The following PCDHAC1 variants were observed in gnomAD, a reference collection of about 807,000 sequenced individuals.
The protein encoded by PCDHAC1 is protocadherin alpha subfamily C, 1, also known as protocadherin alpha-C1.
In PCDHAC1, 42 loss-of-function variants were observed where a neutral mutation model predicts 60.0. The ratio of observed to expected loss-of-function variants is 0.70; its 90% CI spans 0.55 to 0.90. The LOEUF is 0.90. Among genes scored for constraint, PCDHAC1 ranks in the 40% least tolerant of loss-of-function variants. The pLI, the probability that PCDHAC1 is intolerant of heterozygous loss-of-function variation, is 0.00. For missense variants in PCDHAC1, 1,160 were observed against 1,222.3 expected, an observed-to-expected ratio of 0.95 and a Z score of 0.76; for synonymous variants, 468 against 499.3, an observed-to-expected ratio of 0.94 and a Z score of 0.84.
intron 3 of PCDHAC1, among the ~76,000 whole-genome samples, chr5:141,007,393 TAC>T (rs2098323171): frequency 8.5e-5 from 2 of 23,408 alleles, no homozygotes; most frequent in East Asian, 1.4e-3. Flanking sequence ...TCTACTAAAA[TAC>T]AAAAAAAAAA....
intron 1 of PCDHAC1, among the ~76,000 whole-genome samples, chr5:140,974,059 G>A (rs1233997260): frequency 6.6e-6 from 1 of 152,180 alleles, no homozygotes; most frequent in Non-Finnish European, 1.5e-5. Context: ...AATATTTGGA[G>A]CAGTATAATC....
At chr5:140,956,701 G>A (rs549659732) in intron 1 of PCDHAC1, among the ~76,000 whole-genome samples, 30 of 152,256 alleles carry the variant, frequency 2.0e-4, no homozygotes, top group Admixed American at 1.4e-3. Context: ...CCATTGTTTG[G>A]AATAGCTTCA....
At chr5:140,988,672 G>A (rs1269904309) in intron 3 of PCDHAC1, among the ~76,000 whole-genome samples, 1 of 152,180 alleles carries the variant, frequency 6.6e-6, no homozygotes, top group Non-Finnish European at 1.5e-5. Context: ...TAGACTCTAA[G>A]ATAATTCTTT....
chr5:140,950,100 A>G (rs964595718), intron 1 of PCDHAC1, among the ~76,000 whole-genome samples: 1 of 151,910 alleles, frequency 6.6e-6, no homozygotes, highest in Non-Finnish European at 1.5e-5. Flanking sequence ...CATTTGTATT[A>G]AATCTCATAC....
At chr5:140,968,845 G>A in intron 1 of PCDHAC1, 1 of 1,614,176 alleles carries the variant, frequency 6.2e-7, no homozygotes. Flanking sequence ...ACACTCAGAG[G>A]CATGTTAAGA....
intron 3 of PCDHAC1, among the ~76,000 whole-genome samples, chr5:141,004,888 G>C (rs555046086): frequency 2.0e-5 from 3 of 152,132 alleles, no homozygotes; most frequent in Admixed American, 6.5e-5. Flanking sequence ...GTGCTATTGT[G>C]TCAGCTCTGC....
intron 1 of PCDHAC1, among the ~76,000 whole-genome samples, chr5:140,975,395 C>T (rs2096665697): frequency 6.6e-6 from 1 of 152,246 alleles, no homozygotes; most frequent in Admixed American, 6.5e-5. Flanking sequence ...AGATCCATCA[C>T]AATCACAGTC....
In PCDHAC1 at chr5:141,010,147, C is replaced by T. The variant is rs895381983; in HGVS notation, c.*210C>T. ...AAGTCTGGTGTTAACTCTTTCTCTC[C>T]ACTCTGGCTTGTTTTCAGAACCTAA... On this transcript the variant is annotated 3_prime_UTR_variant, in exon 4 of 4. Coordinates refer to ENST00000253807, the MANE Select transcript of PCDHAC1 (RefSeq NM_018898.5). 3.2e-6 allele frequency: 5 copies of T among 1,583,190 alleles called. No homozygotes were observed. The highest frequency in any genetic ancestry group is 4.3e-6 in the Non-Finnish European group (5 of 1,163,606).
intron 3 of PCDHAC1, among the ~76,000 whole-genome samples, chr5:140,987,098 C>A (rs2153859479): frequency 6.6e-6 from 1 of 151,952 alleles, no homozygotes; most frequent in Admixed American, 6.6e-5. Flanking sequence ...CCTGTAATCC[C>A]AGCTACTCGG....
intron 1 of PCDHAC1, chr5:140,967,077 G>A (rs1483899506): frequency 1.9e-6 from 3 of 1,613,140 alleles, no homozygotes; most frequent in South Asian, 1.1e-5. Context: ...GTCAACGAGC[G>A]CATTGATCGG....
At position 140,928,265 on chromosome 5, in the gene PCDHAC1, A is replaced by G. The variant is rs1208273188; in HGVS notation, c.1373A>G (p.Asn458Ser). ...CAGGAACTTTTCGTTGCTGAAAACA[A>G]TGGCCCTGGGGCCTCTCTAGGCCGA... The part of the protein sequence containing the change: ...PQQELFVAEN[N>S]GPGASLGRVF... The change falls in exon 1 of 4, where the codon AAT (asparagine) becomes AGT (serine). Residue 458 changes from asparagine (N) to serine (S), a missense_variant. This residue lies in a region of PCDHAC1 where 1,113 missense variants were observed against 1,163.7 expected (regional missense o/e 0.96). Coordinates refer to ENST00000253807, the MANE Select transcript of PCDHAC1 (RefSeq NM_018898.5). The G allele has an allele frequency of 3.1e-6, 5 of 1,614,188 alleles. No individual in the cohort carries two copies. In the South Asian group the frequency reaches 3.3e-5, roughly 11 times the overall value.
At chr5:140,957,734 T>C (rs559180968) in intron 1 of PCDHAC1, among the ~76,000 whole-genome samples, 2 of 152,240 alleles carry the variant, frequency 1.3e-5, no homozygotes, top group Admixed American at 6.5e-5. Flanking sequence ...GAATTATATA[T>C]ACTGACATGA....
intron 1 of PCDHAC1, among the ~76,000 whole-genome samples, chr5:140,955,475 C>T (rs246017): frequency 0.56 from 85,566 of 151,816 alleles, 24,719 homozygotes; most frequent in African/African-American, 0.69. Context: ...TGCTTGGCAC[C>T]TCTCCTTCCT....
At chr5:140,952,879 G>C (rs1325308016) in intron 1 of PCDHAC1, among the ~76,000 whole-genome samples, 1 of 152,094 alleles carries the variant, frequency 6.6e-6, no homozygotes, top group Non-Finnish European at 1.5e-5. Context: ...TTACAATCAT[G>C]GTGGAAGGCA....
chr5:141,010,815 TC>T lies in PCDHAC1; in HGVS notation c.*879del, dbSNP rs1159286994. 1.3e-5 allele frequency: 2 copies of T among 153,744 alleles called. No homozygotes were observed. Among genetic ancestry groups the T allele is most frequent in the Admixed American group, 6.5e-5 (1 of 15,280 alleles). 9.5% of individuals were successfully genotyped at this position (153,744 alleles called of 1,614,324 possible). On this transcript the variant is annotated 3_prime_UTR_variant, in exon 4 of 4. Coordinates refer to ENST00000253807, the MANE Select transcript of PCDHAC1 (RefSeq NM_018898.5). ...AAAGAAAACCCCGACACCTCACCTT[TC>T]GCTGTTTGTTGTTTCATAGATTTAT...
chr5:141,006,296 C>G (rs2153987135), intron 3 of PCDHAC1, among the ~76,000 whole-genome samples: 1 of 152,102 alleles, frequency 6.6e-6, no homozygotes, highest in East Asian at 1.9e-4. Context: ...ACTGCAAGCT[C>G]CACTTCCCGG....
intron 2 of PCDHAC1, among the ~76,000 whole-genome samples, chr5:140,979,831 A>G (rs1401761792): frequency 5.3e-5 from 8 of 152,236 alleles, no homozygotes; most frequent in African/African-American, 1.9e-4. Context: ...TTAAAGAAGA[A>G]ATAATCTTCA....
At chr5:140,966,030 A>C (rs1554227994) in intron 1 of PCDHAC1, among the ~76,000 whole-genome samples, 4 of 152,164 alleles carry the variant, frequency 2.6e-5, no homozygotes, top group Admixed American at 6.5e-5. Context: ...AGTCAGGTGA[A>C]TAGTTCCCAT....
intron 1 of PCDHAC1, among the ~76,000 whole-genome samples, chr5:140,962,827 C>T (rs1229108981): frequency 6.6e-6 from 1 of 152,164 alleles, no homozygotes; most frequent in East Asian, 1.9e-4. Flanking sequence ...GACCATTTGT[C>T]TCTTTTTTAT....
Sources: allele counts gnomAD v4.1 joint callset (sites outside exome capture counted in the v4.1 genomes callset), GRCh38; gene constraint gnomAD v4.1.1; regional missense constraint gnomAD v4.1.1; transcripts MANE v1.5; gene names NCBI Gene and HGNC (gene_info 2026-07-23, HGNC 2026-07-21).